FGF13: variants seen among roughly 807,000 people sequenced by gnomAD.
FGF13 encodes the protein fibroblast growth factor 13.
In FGF13, 2 loss-of-function variants were observed where a neutral mutation model predicts 19.5. That is an observed-to-expected ratio of 0.10 (90% CI 0.04 to 0.32). The LOEUF (loss-of-function observed/expected upper bound fraction) is 0.32. Ranked by LOEUF, FGF13 falls within the 10% of genes least tolerant of loss-of-function variation. The pLI is 1.00. For synonymous variants in FGF13, 72 were observed against 76.9 expected, an observed-to-expected ratio of 0.94 and a Z score of 0.33; for missense variants, 113 against 192.7, an observed-to-expected ratio of 0.59 and a Z score of 2.45.
At chrX:139,099,324 G>T (rs1415834010) in intron 1 of FGF13, among the ~76,000 whole-genome samples, 1 of 100,132 alleles carries the variant, frequency 1.0e-5, no homozygotes. Context: ...TCCACAACTG[G>T]TTCTGTCTGA....
At chrX:138,871,622 G>C (rs1270269419) in intron 1 of FGF13, among the ~76,000 whole-genome samples, 1 of 112,264 alleles carries the variant, frequency 8.9e-6, no homozygotes, top group Non-Finnish European at 1.9e-5. Context: ...ACATAATATA[G>C]AAGTCCTCAC....
chrX:138,675,557 TATAAA>T (rs2089656332), intron 3 of FGF13, among the ~76,000 whole-genome samples: 1 of 111,838 alleles, frequency 8.9e-6, no homozygotes. Flanking sequence ...ATATAAATGT[TATAAA>T]ATAAGTATGA....
At chrX:138,781,051 T>G (rs1404787305) in intron 3 of FGF13, among the ~76,000 whole-genome samples, 2 of 111,164 alleles carry the variant, frequency 1.8e-5, no homozygotes, top group African/African-American at 6.6e-5. Context: ...CTGAACAACC[T>G]GCTCCTGAAT....
In FGF13 at chrX:138,695,141, G is replaced by T. The variant is rs2089883846; in HGVS notation, c.402+7843C>A. On this transcript the variant is annotated intron_variant, in intron 3 of 4. Transcript: ENST00000315930. ...AAATGGATACTGCATACCTCCAGATGTGATACCCTAAGAAGGACATACTAT... is the reference window on the plus strand; with the variant it reads ...AAATGGATACTGCATACCTCCAGATTTGATACCCTAAGAAGGACATACTAT... Among the ~76,000 whole-genome samples the T allele has an allele frequency of 3.6e-5, 4 of 110,968 alleles. No individual in the cohort carries two copies. In the South Asian group the frequency reaches 1.5e-3, roughly 43 times the overall value.
intron 4 of FGF13, among the ~76,000 whole-genome samples, chrX:138,634,117 AT>A (rs1398050572): frequency 8.9e-6 from 1 of 112,149 alleles, no homozygotes; most frequent in East Asian, 2.8e-4. Context: ...TATAAGCAAA[AT>A]TTGCTGAAAT....
At chrX:139,195,024 GT>G (rs1157689228) in intron 1 of FGF13, among the ~76,000 whole-genome samples, 1 of 111,973 alleles carries the variant, frequency 8.9e-6, no homozygotes, top group Non-Finnish European at 1.9e-5. Context: ...TCTTTGCCAA[GT>G]TTCACCTTCG....
chrX:138,853,606 T>TGTGTGTGCGTGTGC (rs1402213582), downstream of FGF13, among the ~76,000 whole-genome samples: 63 of 87,909 alleles, frequency 7.2e-4, no homozygotes, highest in African/African-American at 2.4e-3. Flanking sequence ...AGAATGTGTG[T>TGTGTGTGCGTGTGC]GTGTGTGCGT....
At chrX:138,635,725 T>G in intron 3 of FGF13, 70 bp from the exon 4 acceptor site, 2 of 869,783 alleles carry the variant, frequency 2.3e-6, no homozygotes. Context: ...TCATGTGGTA[T>G]TGCCTTTTAG....
chrX:138,865,000 G>T (rs746613217), intron 1 of FGF13, among the ~76,000 whole-genome samples: 1 of 111,708 alleles, frequency 9.0e-6, no homozygotes, highest in African/African-American at 3.3e-5. Flanking sequence ...GACTGACTGT[G>T]GACCCCCACC....
upstream of FGF13, chrX:139,204,133 C>A: frequency 4.2e-6 from 5 of 1,201,695 alleles, no homozygotes; most frequent in Non-Finnish European, 5.6e-6. Flanking sequence ...TGACAAGGTT[C>A]GCTCAGAAGA....
At chrX:138,923,084 G>A (rs966214093) in intron 1 of FGF13, among the ~76,000 whole-genome samples, 7 of 112,196 alleles carry the variant, frequency 6.2e-5, no homozygotes, top group Non-Finnish European at 9.4e-5. Flanking sequence ...AATGTCCCAG[G>A]ACTTTGAAAT....
intron 1 of FGF13, among the ~76,000 whole-genome samples, chrX:139,118,697 G>A (rs2083656801): frequency 9.0e-6 from 1 of 110,812 alleles, no homozygotes; most frequent in African/African-American, 3.3e-5. Flanking sequence ...ATACAAACTG[G>A]TCTGTTCATC....
At chrX:138,904,387 T>C (rs966823512) in intron 1 of FGF13, among the ~76,000 whole-genome samples, 15 of 109,814 alleles carry the variant, frequency 1.4e-4, no homozygotes, top group African/African-American at 5.0e-4. Flanking sequence ...CATAAGGTGT[T>C]TGACACAAAT....
At position 138,888,119 on chromosome X, in the gene FGF13, T is replaced by C. The variant is rs753708290; in HGVS notation, c.-112-23469A>G. ...CATGTCTACCTTGCTCACCACTCTATTTTTTGTGCCTTGGCCATTTGCTAA... is the reference window on the plus strand; with the variant it reads ...CATGTCTACCTTGCTCACCACTCTACTTTTTGTGCCTTGGCCATTTGCTAA... On this transcript the variant is annotated intron_variant, in intron 1 of 2. Transcript: ENST00000421460. 1.1e-4 allele frequency among the ~76,000 whole-genome samples: 12 copies of C among 112,617 alleles called. No individual in the cohort carries two copies. The South Asian group carries it at 4.4e-3, about 42-fold the overall frequency.
intron 1 of FGF13, among the ~76,000 whole-genome samples, chrX:139,016,675 T>C (rs761331267): frequency 9.0e-6 from 1 of 111,695 alleles, no homozygotes; most frequent in South Asian, 3.8e-4. Flanking sequence ...ACAACAGTAC[T>C]TGAGATGACA....
At chrX:138,898,370 C>T (rs2091514661) in intron 1 of FGF13, among the ~76,000 whole-genome samples, 1 of 111,754 alleles carries the variant, frequency 8.9e-6, no homozygotes, top group Non-Finnish European at 1.9e-5. Context: ...CTAGTGGGGG[C>T]CAGGCCAGGC....
chrX:138,957,525 G>A (rs1042877363), intron 1 of FGF13, among the ~76,000 whole-genome samples: 1 of 111,245 alleles, frequency 9.0e-6, no homozygotes, highest in African/African-American at 3.3e-5. Context: ...GGTTCCATAC[G>A]AACTTTAGTT....
intron 3 of FGF13, among the ~76,000 whole-genome samples, chrX:138,794,497 T>C (rs145477327): frequency 1.8e-5 from 2 of 111,749 alleles, no homozygotes; most frequent in Non-Finnish European, 3.8e-5. Flanking sequence ...CGACATCATA[T>C]GATTCAGCTC....
chrX:138,859,429 G>A (rs761006512), intron 2 of FGF13, among the ~76,000 whole-genome samples: 95 of 112,395 alleles, frequency 8.5e-4, no homozygotes, highest in African/African-American at 2.9e-3. Context: ...TTATAAGACT[G>A]AAGGACAATT....
Sources: allele counts gnomAD v4.1 joint callset (sites outside exome capture counted in the v4.1 genomes callset), GRCh38; gene constraint gnomAD v4.1.1; transcripts MANE v1.5; gene names NCBI Gene and HGNC (gene_info 2026-07-23, HGNC 2026-07-21).